PCDH7: variants seen among roughly 807,000 people sequenced by gnomAD.
PCDH7 encodes the protein protocadherin 7.
Under a neutral mutation model 58.9 loss-of-function variants are expected in PCDH7, and 17 were observed. That is an observed-to-expected ratio of 0.29 (90% confidence interval 0.20 to 0.43). The LOEUF is 0.43. Among genes scored for constraint, PCDH7 ranks in the 20% least tolerant of loss-of-function variants. The pLI is 1.00. For missense variants in PCDH7, 1,274 were observed against 1,441.0 expected (o/e 0.88, Z 1.88); for synonymous variants, 664 against 616.4 (o/e 1.08, Z -1.14).
chr4:30,878,837 T>C (rs1736606787), intron 1 of PCDH7, among the ~76,000 whole-genome samples: 1 of 151,960 alleles, frequency 6.6e-6, no homozygotes, highest in Admixed American at 6.6e-5. Context: ...GAGACAAGTG[T>C]GAAACTCTGT....
chr4:30,904,108 CTG>C (rs1428157725), intron 1 of PCDH7, among the ~76,000 whole-genome samples: 2 of 152,162 alleles, frequency 1.3e-5, no homozygotes, highest in Non-Finnish European at 2.9e-5. Flanking sequence ...AAGCCCAACT[CTG>C]TCACTTCCAT....
chr4:30,986,232 G>C (rs979704424), intron 3 of PCDH7, among the ~76,000 whole-genome samples: 4 of 151,992 alleles, frequency 2.6e-5, no homozygotes, highest in African/African-American at 9.7e-5. Flanking sequence ...GCCTGCAATT[G>C]ATTTCTCCTT....
chr4:30,774,312 G>GAACCAA (rs1371575934), intron 1 of PCDH7, among the ~76,000 whole-genome samples: 1 of 152,132 alleles, frequency 6.6e-6, no homozygotes, highest in African/African-American at 2.4e-5. Context: ...GCAAGTTAGT[G>GAACCAA]AACCAAAACC....
At chr4:30,866,644 C>G (rs1329959722) in intron 1 of PCDH7, among the ~76,000 whole-genome samples, 3 of 151,144 alleles carry the variant, frequency 2.0e-5, no homozygotes, top group African/African-American at 4.9e-5. Flanking sequence ...CAATCAGTTG[C>G]TTTCTGGCCA....
exon 4 of PCDH7, chr4:31,142,724 A>C (rs1720414956): frequency 1.5e-6 from 2 of 1,367,580 alleles, no homozygotes; most frequent in Non-Finnish European, 2.0e-6. Context: ...ATCCTATGAG[A>C]CCTTCAGTGC....
intron 1 of PCDH7, among the ~76,000 whole-genome samples, chr4:30,728,722 A>G (rs1400505876): frequency 6.6e-6 from 1 of 151,776 alleles, no homozygotes; most frequent in Non-Finnish European, 1.5e-5. Context: ...GTAAGACCAC[A>G]AAGTCAGTTT....
chr4:30,767,926 T>C (rs1720953971), intron 1 of PCDH7, among the ~76,000 whole-genome samples: 1 of 152,172 alleles, frequency 6.6e-6, no homozygotes, highest in Admixed American at 6.5e-5. Flanking sequence ...AGATTGCAGT[T>C]TGCAATTTGT....
At chr4:30,781,027 CA>C (rs1722708462) in intron 1 of PCDH7, among the ~76,000 whole-genome samples, 1 of 152,106 alleles carries the variant, frequency 6.6e-6, no homozygotes, top group African/African-American at 2.4e-5. Context: ...TTTACCATTT[CA>C]AAAGATAAAT....
intron 1 of PCDH7, among the ~76,000 whole-genome samples, chr4:30,739,494 A>C (rs1391174399): frequency 6.6e-6 from 1 of 152,152 alleles, no homozygotes; most frequent in Non-Finnish European, 1.5e-5. Context: ...ACTGTTGAAC[A>C]CAAGGATCAA....
chr4:30,739,114 T>C (rs1345431936), intron 1 of PCDH7, among the ~76,000 whole-genome samples: 1 of 147,538 alleles, frequency 6.8e-6, no homozygotes, highest in African/African-American at 2.5e-5. Flanking sequence ...CCTGGAACTA[T>C]ATATATATAT....
intron 1 of PCDH7, among the ~76,000 whole-genome samples, chr4:30,811,557 G>A (rs778307106): frequency 5.9e-5 from 9 of 152,166 alleles, no homozygotes; most frequent in Admixed American, 2.6e-4. Flanking sequence ...AAGCAACTGG[G>A]CAGGACTCCC....
intron 1 of PCDH7, among the ~76,000 whole-genome samples, chr4:30,779,785 A>C (rs1370922770): frequency 2.0e-5 from 3 of 151,620 alleles, no homozygotes; most frequent in Non-Finnish European, 4.4e-5. Context: ...GTATTTTTCT[A>C]CTCTTCTCTG....
chr4:30,994,678 C>T (rs1241616003), intron 3 of PCDH7, among the ~76,000 whole-genome samples: 1 of 152,026 alleles, frequency 6.6e-6, no homozygotes, highest in African/African-American at 2.4e-5. Flanking sequence ...CAGGTTTAGA[C>T]TATTTATTCA....
intron 1 of PCDH7, among the ~76,000 whole-genome samples, chr4:30,822,022 A>G (rs1038495385): frequency 1.3e-5 from 2 of 152,150 alleles, no homozygotes; most frequent in South Asian, 4.1e-4. Flanking sequence ...TCGTAGCAGC[A>G]TAGTAACTGG....
chr4:30,930,928 G>C (rs1744496507), intron 2 of PCDH7, among the ~76,000 whole-genome samples: 1 of 151,974 alleles, frequency 6.6e-6, no homozygotes. Context: ...GACAGACTGA[G>C]ACCCTGTCTC....
At chr4:30,881,798 C>G (rs563780741) in intron 1 of PCDH7, among the ~76,000 whole-genome samples, 2 of 152,128 alleles carry the variant, frequency 1.3e-5, no homozygotes, top group Non-Finnish European at 1.5e-5. Context: ...GCGTTCTAAA[C>G]GAACCCTTCA....
At chr4:30,971,028 AGCC>A (rs1259598139) in intron 3 of PCDH7, among the ~76,000 whole-genome samples, 1 of 152,216 alleles carries the variant, frequency 6.6e-6, no homozygotes, top group Non-Finnish European at 1.5e-5. Flanking sequence ...AATTCAGGTT[AGCC>A]AAATACAGAA....
At chr4:30,962,793 A>AAAC (rs1560537258) in intron 3 of PCDH7, among the ~76,000 whole-genome samples, 6 of 140,730 alleles carry the variant, frequency 4.3e-5, no homozygotes, top group African/African-American at 1.4e-4. Context: ...AAAAAAAAAA[A>AAAC]AAAAAAAAAA....
intron 3 of PCDH7, among the ~76,000 whole-genome samples, chr4:31,062,355 A>C (rs376066814): frequency 1.3e-5 from 2 of 151,822 alleles, no homozygotes; most frequent in Non-Finnish European, 2.9e-5. Flanking sequence ...CAAGTAATAC[A>C]TAAAGGAACC....
Sources: gnomAD v4.1 joint callset for allele counts (sites outside exome capture counted in the v4.1 genomes callset) on GRCh38, gnomAD v4.1.1 for gene constraint, MANE v1.5 for transcripts, NCBI Gene and HGNC (gene_info 2026-07-23, HGNC 2026-07-21) for gene names.